The following LPGAT1 variants were observed in gnomAD, a reference collection of about 807,000 sequenced individuals.
The protein encoded by LPGAT1 is acyl-CoA:lysophosphatidylglycerol acyltransferase 1.
A neutral mutation model predicts 47.5 loss-of-function variants in LPGAT1; 11 were observed. That is an observed-to-expected ratio of 0.23 (90% CI 0.15 to 0.38). The LOEUF (loss-of-function observed/expected upper bound fraction) is 0.38, where lower values mean the gene tolerates loss of function less well. Among genes scored for constraint, LPGAT1 ranks in the 10% least tolerant of loss-of-function variants. The pLI is 1.00. For synonymous variants in LPGAT1, 138 were observed against 144.2 expected (o/e 0.96, Z 0.31); for missense variants, 293 against 439.0 (o/e 0.67, Z 2.97).
chr1:211,830,524 C>G lies in LPGAT1; in HGVS notation c.-28+49G>C. 1 of 1,202,140 alleles carries G rather than the reference C, an allele frequency of 8.3e-7. No homozygotes were observed. Among genetic ancestry groups the G allele is most frequent in the Non-Finnish European group, 1.0e-6 (1 of 968,552 alleles). 74.5% of individuals were successfully genotyped at this position (1,202,140 alleles called of 1,614,324 possible). ...CCCCGCCCCCAGCGCCTCCCCTGGC[C>G]CGGCTCCGCTGCCGCTCTGGGGCCT... On this transcript the variant is annotated intron_variant, in intron 1 of 7. Transcript: ENST00000366997. The surrounding 1 kb of genome is among the most constrained non-coding windows in gnomAD (Gnocchi z 5.9).
rs141889926 is a variant in LPGAT1 at position 211,818,411 on chromosome 1, T to C, written c.238+10648A>G. ...ACTATGCAGGAACAAGGGCTCAGCA[T>C]GGCCAGATCTCTAATTTCTCAAGAA... On this transcript the variant is annotated intron_variant, in intron 2 of 7. Coordinates refer to ENST00000366997, the MANE Select transcript of LPGAT1 (RefSeq NM_014873.3). 7.0e-3 allele frequency among the ~76,000 whole-genome samples: 1,067 copies of C among 152,294 alleles called. 15 individuals carry two copies. Among genetic ancestry groups the C allele is most frequent in the African/African-American group, 0.022 (907 of 41,556 alleles).
At chr1:211,758,294 C>G (rs543750612) in intron 6 of LPGAT1, among the ~76,000 whole-genome samples, 2 of 152,156 alleles carry the variant, frequency 1.3e-5, no homozygotes, top group East Asian at 1.9e-4. Context: ...TACCAAGGAA[C>G]CTTACAATTT....
Position 211,783,317 on chromosome 1 carries a change from T to C in LPGAT1, c.639A>G (p.Pro213=), listed in dbSNP as rs374641387. The change falls in exon 5 of 8, where the codon CCA becomes CCG. Residue 213 remains proline, a synonymous_variant. Coordinates refer to ENST00000366997, the MANE Select transcript of LPGAT1 (RefSeq NM_014873.3). ...NLPFLTNVTL[P]RSGATKIILN... is the part of the protein sequence containing the mutation. ...AAATAATTTTTGTTGCCCCAGACCT[T>C]GGCAGAGTAACATTTGTAAGAAATG... 1.1e-5 allele frequency: 17 copies of C among 1,614,064 alleles called. No homozygotes were observed. The African/African-American group carries it at 1.7e-4, about 16-fold the overall frequency.
chr1:211,777,336 A>G (rs1658444225), intron 6 of LPGAT1, among the ~76,000 whole-genome samples: 1 of 152,172 alleles, frequency 6.6e-6, no homozygotes, highest in South Asian at 2.1e-4. Context: ...CTCTCCTCTA[A>G]TATTGGTTAG....
rs1660634241 is a variant in LPGAT1 at position 211,829,099 on chromosome 1, T to C, written c.198A>G (p.Leu66=). 1 of 1,614,080 alleles carries C rather than the reference T, an allele frequency of 6.2e-7. No homozygotes were observed. Among genetic ancestry groups the C allele is most frequent in the Non-Finnish European group, 8.5e-7 (1 of 1,180,044 alleles). ...YIEGIMYKWL[L]GMVASWGWYA... is the part of the protein sequence containing the mutation. ...ACCATCCCCAGGAAGCTACCATTCC[T>C]AAAAGCCATTTATACATGATTCCTT... The change falls in exon 2 of 8, where the codon TTA becomes TTG. Residue 66 remains leucine, a synonymous_variant. Coordinates refer to ENST00000366997, the MANE Select transcript of LPGAT1 (RefSeq NM_014873.3).
chr1:211,757,188 AG>A (rs1657497659), intron 6 of LPGAT1, among the ~76,000 whole-genome samples: 1 of 151,548 alleles, frequency 6.6e-6, no homozygotes. Flanking sequence ...TGGAAGGCGG[AG>A]GTTGCAGTGA....
In LPGAT1 at chr1:211,784,804, CTTTT is replaced by C. The variant is rs11393776; in HGVS notation, c.454-1306_454-1303del. Among the ~76,000 whole-genome samples, 15 of 133,280 alleles carry C rather than the reference CTTTT, an allele frequency of 1.1e-4. No individual in the cohort carries two copies. The East Asian group carries it at 1.5e-3, about 14-fold the overall frequency. The allele number at this position is 133,280 out of a possible 152,430, so 87.4% of individuals were successfully genotyped here. A position where few individuals can be genotyped will look rare whatever the true frequency, so the allele number is the denominator to read the frequency against. On this transcript the variant is annotated intron_variant, in intron 4 of 7. Transcript: ENST00000366997. ...CAACTAAATATCACAAAGGTTCTTT[CTTTT>C]TTTTTTTTTTTTTGAGACAGAGTCT... is the stretch of plus-strand genomic sequence containing the variant.
chr1:211,814,613 G>A (rs1362466575), intron 2 of LPGAT1, among the ~76,000 whole-genome samples: 2 of 152,178 alleles, frequency 1.3e-5, no homozygotes, highest in Non-Finnish European at 2.9e-5. Flanking sequence ...AGCTGTGTAA[G>A]TAAATGATCC....
intron 2 of LPGAT1, among the ~76,000 whole-genome samples, chr1:211,809,421 G>T (rs1167802508): frequency 1.3e-5 from 2 of 152,072 alleles, no homozygotes; most frequent in East Asian, 3.9e-4. Flanking sequence ...GTAAATCAAA[G>T]GTCTTTTAAT....
chr1:211,751,614 C>G (rs1194745292), intron 6 of LPGAT1, among the ~76,000 whole-genome samples: 4 of 152,170 alleles, frequency 2.6e-5, no homozygotes, highest in Non-Finnish European at 5.9e-5. Flanking sequence ...TTCTCAAGAT[C>G]TGAGACCATG....
At position 211,745,026 on chromosome 1, in the gene LPGAT1, T is replaced by C. The variant is rs1481308078; in HGVS notation, c.*4873A>G. On this transcript the variant is annotated 3_prime_UTR_variant, in exon 8 of 8. Transcript: ENST00000366997. The stretch of plus-strand genomic sequence containing the variant: ...TTATTTTTTCTAGGTTTAAAAAAAA[T>C]AGAACCAGCTATTAATTTTTGTTGA... 1 of 152,636 alleles carries C rather than the reference T, an allele frequency of 6.6e-6. No individual in the cohort carries two copies. The highest frequency in any genetic ancestry group is 1.5e-5 in the Non-Finnish European group (1 of 68,028). The allele number at this position is 152,636 out of a possible 1,614,324, so 9.5% of individuals were successfully genotyped here. A position where few individuals can be genotyped will look rare whatever the true frequency, so the allele number is the denominator to read the frequency against.
intron 2 of LPGAT1, among the ~76,000 whole-genome samples, chr1:211,798,706 C>A (rs773030319): frequency 1.3e-4 from 20 of 152,018 alleles, no homozygotes; most frequent in Admixed American, 2.6e-4. Context: ...ACAACAACAA[C>A]AAAAAACAAA....
chr1:211,778,818 C>T, intron 6 of LPGAT1, 100 bp downstream of exon 6: 1 of 968,092 alleles, frequency 1.0e-6, no homozygotes, highest in Non-Finnish European at 1.4e-6. Context: ...CTTGAGCCAA[C>T]TATTTCTACT....
At chr1:211,817,370 G>A (rs370827289) in intron 2 of LPGAT1, among the ~76,000 whole-genome samples, 5 of 152,166 alleles carry the variant, frequency 3.3e-5, no homozygotes, top group South Asian at 2.1e-4. Flanking sequence ...TCCGGAGTTC[G>A]AGACCAGCCT....
chr1:211,804,288 G>A lies in LPGAT1; in HGVS notation c.239-11098C>T, dbSNP rs1199593272. Among the ~76,000 whole-genome samples, 7 of 152,092 alleles carry A rather than the reference G, an allele frequency of 4.6e-5. No individual in the cohort carries two copies. In the Middle Eastern group the frequency reaches 0.01, roughly 222 times the overall value. On this transcript the variant is annotated intron_variant, in intron 2 of 7. Transcript: ENST00000366997. ...TGGTCTCAGATTCCTGGGCTCAAGC[G>A]ATCCTCCCACCTTGGGCTCCCACAG...
rs552371093 is a variant in LPGAT1 at position 211,748,681 on chromosome 1, C to T, written c.*1218G>A. On this transcript the variant is annotated 3_prime_UTR_variant, in exon 8 of 8. Coordinates refer to ENST00000366997, the MANE Select transcript of LPGAT1 (RefSeq NM_014873.3). ...GCCTGGGTGACAGAGTAAGACCTGT[C>T]TAAAAAAAAAAGAAAAAAGAAAAAG... 1.3e-5 allele frequency: 2 copies of T among 151,328 alleles called. No homozygotes were observed. Among genetic ancestry groups the T allele is most frequent in the African/African-American group, 4.9e-5 (2 of 40,926 alleles). The allele number at this position is 151,328 out of a possible 1,614,324, so 9.4% of individuals were successfully genotyped here.
chr1:211,751,685 G>A (rs1384588843), intron 6 of LPGAT1, among the ~76,000 whole-genome samples: 1 of 152,144 alleles, frequency 6.6e-6, no homozygotes, highest in Non-Finnish European at 1.5e-5. Context: ...GAGGGGACAG[G>A]CAGCATGAGG....
chr1:211,792,931 C>T (rs1207007865), intron 3 of LPGAT1, 141 bp downstream of exon 3: 2 of 526,998 alleles, frequency 3.8e-6, no homozygotes, highest in African/African-American at 2.0e-5. Context: ...TGGATGGCCT[C>T]GATCTCTTGA....
chr1:211,771,461 ATTT>A (rs200780860), intron 6 of LPGAT1, among the ~76,000 whole-genome samples: 12,696 of 149,978 alleles, frequency 0.085, 649 homozygotes, highest in Admixed American at 0.15. Context: ...TAGTTTTTAG[ATTT>A]TTTTTTTAAT....
Sources: gnomAD v4.1 joint callset for allele counts (sites outside exome capture counted in the v4.1 genomes callset) on GRCh38, gnomAD v4.1.1 for gene constraint, Gnocchi (gnomAD v3.1) non-coding constraint, MANE v1.5 for transcripts, NCBI Gene and HGNC (gene_info 2026-07-23, HGNC 2026-07-21) for gene names.